SERTAD2: variants seen among roughly 807,000 people sequenced by gnomAD.
The protein encoded by SERTAD2 is SERTA domain-containing protein 2.
In SERTAD2, 2 loss-of-function variants were observed where a neutral mutation model predicts 15.4. The observed-to-expected ratio is 0.13, with a 90% CI of 0.05 to 0.41. The LOEUF (loss-of-function observed/expected upper bound fraction) is 0.41. SERTAD2 is among the 10% of genes least tolerant of loss of function. The pLI, the probability that SERTAD2 is intolerant of heterozygous loss-of-function variation, is 0.99. For missense variants in SERTAD2, 333 were observed against 409.7 expected (o/e 0.81, Z 1.62); for synonymous variants, 180 against 178.0 (o/e 1.01, Z -0.09).
chr2:64,634,796 G>T lies in SERTAD2; in HGVS notation c.*1131C>A, dbSNP rs1674620149. On this transcript the variant is annotated 3_prime_UTR_variant, in exon 2 of 2. Transcript: ENST00000313349. ...AATTTTGTTCGGATGTAAAATTTCAGGTCATCATAAAAATTATGCCAAAAA... is the reference window on the plus strand; with the variant it reads ...AATTTTGTTCGGATGTAAAATTTCATGTCATCATAAAAATTATGCCAAAAA... 1 of 152,102 alleles carries T rather than the reference G, an allele frequency of 6.6e-6. No individual in the cohort carries two copies. The highest frequency in any genetic ancestry group is 1.5e-5 in the Non-Finnish European group (1 of 68,012). 9.4% of individuals were successfully genotyped at this position (152,102 alleles called of 1,614,324 possible).
chr2:64,649,134 G>A (rs756758359), intron 1 of SERTAD2, among the ~76,000 whole-genome samples: 38 of 152,228 alleles, frequency 2.5e-4, no homozygotes, highest in Non-Finnish European at 4.7e-4. Flanking sequence ...TCTCATTAGC[G>A]TGACTAGGAT....
intron 1 of SERTAD2, among the ~76,000 whole-genome samples, chr2:64,641,735 C>T (rs147628241): frequency 1.3e-5 from 2 of 152,248 alleles, no homozygotes; most frequent in African/African-American, 4.8e-5. Flanking sequence ...CGGAGTTGAA[C>T]GGTTTTACAG....
At chr2:64,638,959 G>A (rs1674716487) in intron 1 of SERTAD2, among the ~76,000 whole-genome samples, 1 of 152,218 alleles carries the variant, frequency 6.6e-6, no homozygotes, top group African/African-American at 2.4e-5. Context: ...TCATGCATGA[G>A]AGGTACTACT....
Position 64,649,825 on chromosome 2 carries a change from C to T in SERTAD2, c.-5+3795G>A, listed in dbSNP as rs1038914958. On this transcript the variant is annotated intron_variant, in intron 1 of 1. Coordinates refer to ENST00000313349, the MANE Select transcript of SERTAD2 (RefSeq NM_014755.3). ...TCTTCTCCCTCCAGCCCCCACCCCA[C>T]GCCTCCGCATAGCTCAGTCCACTCT... Among the ~76,000 whole-genome samples the T allele has an allele frequency of 3.9e-5, 6 of 152,216 alleles. No homozygotes were observed. In the East Asian group the frequency reaches 5.8e-4, roughly 15 times the overall value.
intron 1 of SERTAD2, among the ~76,000 whole-genome samples, chr2:64,651,651 T>G (rs1675011488): frequency 6.6e-6 from 1 of 152,224 alleles, no homozygotes; most frequent in Admixed American, 6.5e-5. Context: ...AGAAAAGCTT[T>G]AAAGAGGGAC....
chr2:64,649,771 G>A (rs1450754556), intron 1 of SERTAD2, among the ~76,000 whole-genome samples: 5 of 152,202 alleles, frequency 3.3e-5, no homozygotes, highest in Admixed American at 3.3e-4. Flanking sequence ...TATAGCAGTT[G>A]CACAGTCAGC....
chr2:64,638,028 GA>G (rs1674695337), intron 1 of SERTAD2, among the ~76,000 whole-genome samples: 1 of 152,162 alleles, frequency 6.6e-6, no homozygotes, highest in African/African-American at 2.4e-5. Flanking sequence ...CATTTAACAA[GA>G]AACCTGTCTT....
chr2:64,646,194 C>A (rs1239344265), intron 1 of SERTAD2, among the ~76,000 whole-genome samples: 2 of 152,138 alleles, frequency 1.3e-5, no homozygotes, highest in Non-Finnish European at 2.9e-5. Context: ...CAAGATTTGA[C>A]AAAATGTTGA....
intron 1 of SERTAD2, among the ~76,000 whole-genome samples, chr2:64,637,986 T>C (rs1674694477): frequency 1.3e-5 from 2 of 152,222 alleles, no homozygotes; most frequent in African/African-American, 4.8e-5. Context: ...TCAAGTTCAT[T>C]AGCCTTTGCC....
intron 1 of SERTAD2, chr2:64,644,575 T>C (rs1296912712): frequency 6.6e-6 from 1 of 152,208 alleles, no homozygotes; most frequent in Non-Finnish European, 1.5e-5. Context: ...TAGACAACTT[T>C]CTACACTTCA....
At chr2:64,638,615 C>A (rs762834279) in intron 1 of SERTAD2, among the ~76,000 whole-genome samples, 3 of 152,192 alleles carry the variant, frequency 2.0e-5, no homozygotes, top group Non-Finnish European at 2.9e-5. Context: ...ACATCAGAAT[C>A]GGCTTGAGAT....
intron 1 of SERTAD2, among the ~76,000 whole-genome samples, chr2:64,641,869 A>C (rs1449079647): frequency 6.6e-6 from 1 of 152,144 alleles, no homozygotes; most frequent in Non-Finnish European, 1.5e-5. Flanking sequence ...GACAAGCCTT[A>C]GGTTCACCTG....
rs757896627 is a variant in SERTAD2, at chr2:64,637,004, G to A, written c.-4-129C>T. On this transcript the variant is annotated intron_variant, in intron 1 of 1. Transcript: ENST00000313349. ...TGCCCAGGGTTATTTACAAGTACAC[G>A]TGGATTAATTAGGGGTGGGAGGAAG... is the stretch of plus-strand genomic sequence containing the variant. The A allele has an allele frequency of 2.5e-5, 16 of 640,528 alleles. 1 individual carries two copies. Among genetic ancestry groups the A allele is most frequent in the African/African-American group, 1.3e-4 (7 of 55,126 alleles). The allele number at this position is 640,528 out of a possible 1,614,324, so 39.7% of individuals were successfully genotyped here. A position where few individuals can be genotyped will look rare whatever the true frequency, so the allele number is the denominator to read the frequency against.
At position 64,636,447 on chromosome 2, in the gene SERTAD2, G is replaced by A. The variant is rs373927332; in HGVS notation, c.425C>T (p.Thr142Met). ...PASLLEDDDD[T>M]FCTSQAMQPT... is the part of the protein sequence containing the mutation. ...CTGCATGGCCTGGGAGGTGCAAAAC[G>A]TGTCATCGTCGTCCTCGAGCAGTGA... Residue 142 changes from threonine (T) to methionine (M), a missense_variant, in exon 2 of 2, where the codon ACG becomes ATG. Around this residue, in one of 2 missense-constraint regions of SERTAD2, gnomAD observed 332 missense variants for 392.9 expected, o/e 0.84. Coordinates refer to ENST00000313349, the MANE Select transcript of SERTAD2 (RefSeq NM_014755.3). 82 of 1,614,056 alleles carry A rather than the reference G, an allele frequency of 5.1e-5. No homozygotes were observed. The highest frequency in any genetic ancestry group is 1.6e-4 in the Middle Eastern group (1 of 6,084).
chr2:64,646,892 T>G (rs892327716), intron 1 of SERTAD2, among the ~76,000 whole-genome samples: 4 of 152,228 alleles, frequency 2.6e-5, no homozygotes, highest in Non-Finnish European at 5.9e-5. Flanking sequence ...CAGTGGGGCT[T>G]GCAACATGGA....
intron 1 of SERTAD2, among the ~76,000 whole-genome samples, chr2:64,639,051 T>A (rs995878928): frequency 6.6e-6 from 1 of 152,270 alleles, no homozygotes; most frequent in Non-Finnish European, 1.5e-5. Flanking sequence ...TAAATACTTA[T>A]AGAAAAATTT....
intron 1 of SERTAD2, among the ~76,000 whole-genome samples, chr2:64,638,418 A>G (rs1444613145): frequency 1.3e-5 from 2 of 152,204 alleles, no homozygotes; most frequent in African/African-American, 4.8e-5. Context: ...TCTCGACCTA[A>G]AGAAATAAGG....
chr2:64,638,276 T>C (rs1674700870), intron 1 of SERTAD2, among the ~76,000 whole-genome samples: 1 of 151,976 alleles, frequency 6.6e-6, no homozygotes, highest in African/African-American at 2.4e-5. Context: ...CATTCAATCC[T>C]TTAATAACTT....
chr2:64,633,994 T>C lies in SERTAD2; in HGVS notation c.*1933A>G, dbSNP rs141157833. ...AAAAATAAAACTAACTATGGCTTGC[T>C]TAAAGTGCCATTTTATAAAGTTGTC... is the stretch of plus-strand genomic sequence containing the variant. On this transcript the variant is annotated 3_prime_UTR_variant, in exon 2 of 2. Coordinates refer to ENST00000313349, the MANE Select transcript of SERTAD2 (RefSeq NM_014755.3). 183 of 152,768 alleles carry C rather than the reference T, an allele frequency of 1.2e-3. No individual in the cohort carries two copies. Among genetic ancestry groups the C allele is most frequent in the African/African-American group, 4.3e-3 (179 of 41,562 alleles). 9.5% of individuals were successfully genotyped at this position (152,768 alleles called of 1,614,324 possible).
Sources: gnomAD v4.1 joint callset for allele counts (sites outside exome capture counted in the v4.1 genomes callset) on GRCh38, gnomAD v4.1.1 for gene constraint, gnomAD v4.1.1 regional missense constraint, MANE v1.5 for transcripts, NCBI Gene and HGNC (gene_info 2026-07-23, HGNC 2026-07-21) for gene names.